Variants in NLRP6 observed in about 807,000 individuals in gnomAD.
NLRP6 encodes NACHT, LRR and PYD domains-containing protein 6.
A neutral mutation model predicts 70.9 loss-of-function variants in NLRP6; 55 were observed. That is an observed-to-expected ratio of 0.78 (90% CI 0.62 to 0.97). The LOEUF (loss-of-function observed/expected upper bound fraction) is 0.97. Among genes scored for constraint, NLRP6 ranks in the 50% least tolerant of loss-of-function variants. The pLI is 0.00. For missense variants in NLRP6, 1,241 were observed against 1,238.3 expected, an observed-to-expected ratio of 1.00 and a Z score of -0.03; for synonymous variants, 652 against 581.9, an observed-to-expected ratio of 1.12 and a Z score of -1.73.
chr11:284,091 C>T lies in NLRP6; in HGVS notation c.2199-139C>T, dbSNP rs146447289. On this transcript the variant is annotated intron_variant, in intron 5 of 7. Coordinates refer to ENST00000534750, the MANE Select transcript of NLRP6 (RefSeq NM_001276700.2). ...GTGACAAAGGGCAGGGCAGGCTCTGCGAGGTCCAGGGAAGGATGTGGCACC... is the reference window on the plus strand; with the variant it reads ...GTGACAAAGGGCAGGGCAGGCTCTGTGAGGTCCAGGGAAGGATGTGGCACC... The T allele has an allele frequency of 6.5e-4, 466 of 721,062 alleles. 4 individuals carry two copies. Among genetic ancestry groups the T allele is most frequent in the African/African-American group, 6.0e-3 (342 of 57,410 alleles). The allele number at this position is 721,062 out of a possible 1,614,324, so 44.7% of individuals were successfully genotyped here.
Position 280,159 on chromosome 11 carries a change from A to G in NLRP6, c.425A>G (p.Lys142Arg), listed in dbSNP as rs1590267951. 5.2e-6 allele frequency: 8 copies of G among 1,551,060 alleles called. No homozygotes were observed. Among genetic ancestry groups the G allele is most frequent in the Non-Finnish European group, 6.1e-6 (7 of 1,148,080 alleles). Residue 142 changes from lysine to arginine, a missense_variant, in exon 4 of 8, where the codon AAG becomes AGG. Coordinates refer to ENST00000534750, the MANE Select transcript of NLRP6 (RefSeq NM_001276700.2). Reference sequence around the variant, plus strand: ...AAGGAGAGGAACGCCCGCTCCGTGAAGATCACCAAGCGCTTCACCAAGCTG... The same window carrying G: ...AAGGAGAGGAACGCCCGCTCCGTGAGGATCACCAAGCGCTTCACCAAGCTG... ...RVKERNARSV[K>R]ITKRFTKLLI... is the part of the protein sequence containing the mutation.
intron 5 of NLRP6, 93 bp from the exon 6 acceptor site, chr11:284,137 C>G (rs972243235): frequency 3.4e-6 from 4 of 1,178,964 alleles, no homozygotes; most frequent in African/African-American, 3.0e-5. Flanking sequence ...TCAGCTGAAC[C>G]CTGGGCCACC....
rs776548739 is a variant in NLRP6, at chr11:278,514, CCT to C, written c.-51_-50del. On this transcript the variant is annotated 5_prime_UTR_variant, in exon 1 of 8. It removes the in-frame stop codon of an upstream open reading frame in the 5' UTR. Transcript: ENST00000534750. This position sits in a 1 kb window ranked among gnomAD's most constrained non-coding sequence, Gnocchi z 4.7. ...TCCAGCTCAGCCTGTGAAGGAATCA[CCT>C]CTCTGATCCCCACCTCTGCCCCGGA... 7.0e-7 allele frequency: 1 copy of C among 1,430,664 alleles called. No homozygotes were observed. Among genetic ancestry groups the C allele is most frequent in the Non-Finnish European group, 9.3e-7 (1 of 1,073,156 alleles). 88.6% of individuals were successfully genotyped at this position (1,430,664 alleles called of 1,614,324 possible). A position where few individuals can be genotyped will look rare whatever the true frequency, so the allele number is the denominator to read the frequency against.
At chr11:282,448 A>G (rs575464804) in intron 4 of NLRP6, among the ~76,000 whole-genome samples, 8 of 152,184 alleles carry the variant, frequency 5.3e-5, no homozygotes, top group South Asian at 4.1e-4. Context: ...GGGCCTGGGG[A>G]CCCAAAGACC....
chr11:281,803 T>C lies in NLRP6; in HGVS notation c.2069T>C (p.Leu690Pro), dbSNP rs1590270401. Residue 690 changes from leucine (L) to proline (P), a missense_variant, in exon 4 of 8, where the codon CTG (leucine) becomes CCG (proline). Physicochemically the swap from Leu to Pro is moderately conservative, Grantham distance 98 (BLOSUM62 -3). Coordinates refer to ENST00000534750, the MANE Select transcript of NLRP6 (RefSeq NM_001276700.2). ...GCGCAGGAGAAGAAGAAGAAGAGCC[T>C]GGGGAAGCGGCTCCAGGCCAGCCTG... is the stretch of plus-strand genomic sequence containing the variant. ...VAAQEKKKKS[L>P]GKRLQASLGG... The C allele has an allele frequency of 1.3e-6, 2 of 1,593,874 alleles. No individual in the cohort carries two copies. The highest frequency in any genetic ancestry group is 1.7e-5 in the Admixed American group (1 of 59,292).
In NLRP6 at chr11:285,154, G is replaced by T; in HGVS notation, c.2538-12G>T. On this transcript the variant is annotated splice_polypyrimidine_tract_variant and intron_variant, in intron 7 of 7. Transcript: ENST00000534750. ...ACCGCTGACCCCGCTTCTGCTCTGC[G>T]TGTGGCTGCAGTCTGGCCTCTGTGG... 1 of 1,576,108 alleles carries T rather than the reference G, an allele frequency of 6.3e-7. No individual in the cohort carries two copies. Among genetic ancestry groups the T allele is most frequent in the East Asian group, 2.3e-5 (1 of 42,978 alleles).
Position 278,516 on chromosome 11 carries a change from T to C in NLRP6, c.-54T>C. The C allele has an allele frequency of 1.4e-6, 2 of 1,444,428 alleles. No individual in the cohort carries two copies. The highest frequency in any genetic ancestry group is 9.2e-7 in the Non-Finnish European group (1 of 1,085,078). 89.5% of individuals were successfully genotyped at this position (1,444,428 alleles called of 1,614,324 possible). Reference sequence around the variant, plus strand: ...CAGCTCAGCCTGTGAAGGAATCACCTCTCTGATCCCCACCTCTGCCCCGGA... The same window carrying C: ...CAGCTCAGCCTGTGAAGGAATCACCCCTCTGATCCCCACCTCTGCCCCGGA... On this transcript the variant is annotated 5_prime_UTR_variant, in exon 1 of 8. Transcript: ENST00000534750. The surrounding 1 kb of genome is among the most constrained non-coding windows in gnomAD (Gnocchi z 4.7).
rs1402064374 is a variant in NLRP6, at chr11:281,215, C to G, written c.1481C>G (p.Thr494Ser). The change falls in exon 4 of 8, where the codon ACC becomes AGC. Residue 494 changes from threonine to serine, a missense_variant. By Grantham distance (58) the Thr-to-Ser change is moderately conservative. Coordinates refer to ENST00000534750, the MANE Select transcript of NLRP6 (RefSeq NM_001276700.2). The stretch of plus-strand genomic sequence containing the variant: ...CCGGGCGTGCTGGAGACAGAGGTCA[C>G]CTACCAGTTCATCGACCAGAGCTTC... ...ELPGVLETEV[T>S]YQFIDQSFQE... 1 of 1,613,234 alleles carries G rather than the reference C, an allele frequency of 6.2e-7. No individual in the cohort carries two copies. The highest frequency in any genetic ancestry group is 1.1e-5 in the South Asian group (1 of 91,088).
At chr11:284,858 A>C (rs1200763320) in intron 7 of NLRP6, among the ~76,000 whole-genome samples, 1 of 152,102 alleles carries the variant, frequency 6.6e-6, no homozygotes, top group African/African-American at 2.4e-5. Flanking sequence ...TGTCTGACCA[A>C]ATGTTCATCT....
rs1224696738 is a variant in NLRP6, at chr11:284,497, C to CGA, written c.2394_2395dup (p.Gly799GlufsTer16). 1 of 1,612,796 alleles carries CGA rather than the reference C, an allele frequency of 6.2e-7. No homozygotes were observed. Among genetic ancestry groups the CGA allele is most frequent in the Non-Finnish European group, 8.5e-7 (1 of 1,179,824 alleles). On this transcript the variant is annotated frameshift_variant, in exon 7 of 8. Transcript: ENST00000534750. LOFTEE classifies it high-confidence loss of function. ...CAGGGTACAGCTGCCTGACCCCCAG[C>CGA]GAGGGCTCCAGTACCTGGTGGGTAT...
Position 280,851 on chromosome 11 carries a change from C to A in NLRP6, c.1117C>A (p.Arg373Ser), listed in dbSNP as rs909025534. 2 of 1,613,384 alleles carry A rather than the reference C, an allele frequency of 1.2e-6. No individual in the cohort carries two copies. Among genetic ancestry groups the A allele is most frequent in the Non-Finnish European group, 8.5e-7 (1 of 1,179,980 alleles). The change falls in exon 4 of 8, where the codon CGC (arginine) becomes AGC (serine). Residue 373 changes from arginine to serine, a missense_variant. Arg to Ser is a moderately radical substitution (Grantham distance 110, BLOSUM62 -1). Coordinates refer to ENST00000534750, the MANE Select transcript of NLRP6 (RefSeq NM_001276700.2). ...RDERRAERAY[R>S]FVKENETLFA... is the part of the protein sequence containing the mutation. ...TGAGAGGAGGGCCGAGCGCGCCTAC[C>A]GCTTCGTGAAGGAGAACGAGACGCT...
Position 281,090 on chromosome 11 carries a change from C to T in NLRP6, c.1356C>T (p.Gly452=), listed in dbSNP as rs766661548. The change falls in exon 4 of 8, where the codon GGC becomes GGT. Residue 452 remains glycine (G), a synonymous_variant. Coordinates refer to ENST00000534750, the MANE Select transcript of NLRP6 (RefSeq NM_001276700.2). ...ATCTGTGCCGCCTGGCCCGCGAGGG[C>T]GTCCTCGGACGCAGGGCGCAGTTTG... ...LRNLCRLARE[G]VLGRRAQFAE... is the part of the protein sequence containing the mutation. The T allele has an allele frequency of 1.9e-6, 3 of 1,612,480 alleles. No individual in the cohort carries two copies. Among genetic ancestry groups the T allele is most frequent in the Admixed American group, 3.3e-5 (2 of 59,976 alleles).
rs377394769 is a variant in NLRP6, at chr11:285,203, G to A, written c.2575G>A (p.Glu859Lys). The change falls in exon 8 of 8, where the codon GAG (glutamate) becomes AAG (lysine). Residue 859 changes from glutamate (E) to lysine (K), a missense_variant. Glu to Lys is a moderately conservative substitution (Grantham distance 56). Transcript: ENST00000534750. ...GGAGCTGAGCGAGCAGTCACTACAG[G>A]AGCTTCAGGCTGTGAAGAGAGCAAA... is the stretch of plus-strand genomic sequence containing the variant. ...SVELSEQSLQELQAVKRAKPD... is the reference protein window; with the variant it reads ...SVELSEQSLQKLQAVKRAKPD... 7.2e-5 allele frequency: 115 copies of A among 1,597,362 alleles called. No individual in the cohort carries two copies. Among genetic ancestry groups the A allele is most frequent in the Non-Finnish European group, 9.0e-5 (105 of 1,171,508 alleles).
chr11:279,447 C>A lies in NLRP6; in HGVS notation c.150C>A (p.Ser50Arg). ...GCGACGTGGGCCCGGACGGACGCAGCATCCCGTGGGGGCGGCTGGAGCGCG... is the reference window on the plus strand; with the variant it reads ...GCGACGTGGGCCCGGACGGACGCAGAATCCCGTGGGGGCGGCTGGAGCGCG... ...KLRDVGPDGR[S>R]IPWGRLERAD... The change falls in exon 2 of 8, where the codon AGC becomes AGA. Residue 50 changes from serine (S) to arginine (R), a missense_variant. By Grantham distance (110) the Ser-to-Arg change is moderately radical. Coordinates refer to ENST00000534750, the MANE Select transcript of NLRP6 (RefSeq NM_001276700.2). 7.2e-7 allele frequency: 1 copy of A among 1,397,084 alleles called. No individual in the cohort carries two copies. The highest frequency in any genetic ancestry group is 9.3e-7 in the Non-Finnish European group (1 of 1,078,300). 86.5% of individuals were successfully genotyped at this position (1,397,084 alleles called of 1,614,324 possible). A position where few individuals can be genotyped will look rare whatever the true frequency, so the allele number is the denominator to read the frequency against.
Position 278,408 on chromosome 11 carries a change from C to G in NLRP6, c.-162C>G. 1.8e-6 allele frequency: 1 copy of G among 555,020 alleles called. No homozygotes were observed. Among genetic ancestry groups the G allele is most frequent in the Non-Finnish European group, 3.3e-6 (1 of 307,612 alleles). The allele number at this position is 555,020 out of a possible 1,614,324, so 34.4% of individuals were successfully genotyped here. ...GCAATGCTCTGCGTGTGCCACGGTG[C>G]CCAACAGCATCTCGTGCCAGCTGAG... On this transcript the variant is annotated 5_prime_UTR_variant, in exon 1 of 8. Coordinates refer to ENST00000534750, the MANE Select transcript of NLRP6 (RefSeq NM_001276700.2). The surrounding 1 kb of genome is among the most constrained non-coding windows in gnomAD (Gnocchi z 4.7).
intron 6 of NLRP6, 26 bp downstream of exon 6, chr11:284,426 T>C (rs372740194): frequency 2.8e-5 from 45 of 1,601,174 alleles, no homozygotes; most frequent in Non-Finnish European, 3.5e-5. Flanking sequence ...GGAGGGACCG[T>C]GGGATGCCCC....
rs747723458 is a variant in NLRP6 at position 280,272 on chromosome 11, C to T, written c.538C>T (p.His180Tyr). 5 of 1,520,522 alleles carry T rather than the reference C, an allele frequency of 3.3e-6. No homozygotes were observed. The African/African-American group carries it at 7.1e-5, about 22-fold the overall frequency. The allele number at this position is 1,520,522 out of a possible 1,614,324, so 94.2% of individuals were successfully genotyped here. ...EPGRARRSDT[H>Y]TFNRLFRRDE... ...GGGGCGCGCGCGGCGCTCGGACACG[C>T]ACACTTTCAACCGCCTCTTCCGCCG... Residue 180 changes from histidine to tyrosine, a missense_variant, in exon 4 of 8, where the codon CAC becomes TAC. Transcript: ENST00000534750.
Position 279,620 on chromosome 11 carries a change from C to T in NLRP6, c.310+13C>T. 1 of 1,392,770 alleles carries T rather than the reference C, an allele frequency of 7.2e-7. No homozygotes were observed. The highest frequency in any genetic ancestry group is 9.3e-7 in the Non-Finnish European group (1 of 1,078,174). The allele number at this position is 1,392,770 out of a possible 1,614,324, so 86.3% of individuals were successfully genotyped here. A position where few individuals can be genotyped will look rare whatever the true frequency, so the allele number is the denominator to read the frequency against. ...CGGCGGCTGCAGCGTGAGTTCTGCGCGGGAGGTCCCTCCTGTCTGGGCAGA... is the reference window on the plus strand; with the variant it reads ...CGGCGGCTGCAGCGTGAGTTCTGCGTGGGAGGTCCCTCCTGTCTGGGCAGA... On this transcript the variant is annotated intron_variant, in intron 2 of 7. Coordinates refer to ENST00000534750, the MANE Select transcript of NLRP6 (RefSeq NM_001276700.2).
In NLRP6 at chr11:284,520, T is replaced by C. The variant is rs1845529380; in HGVS notation, c.2415T>C (p.Gly805=). 2.5e-6 allele frequency: 4 copies of C among 1,612,954 alleles called. No individual in the cohort carries two copies. Among genetic ancestry groups the C allele is most frequent in the East Asian group, 2.2e-5 (1 of 44,870 alleles). The change falls in exon 7 of 8, where the codon GGT becomes GGC. Residue 805 remains glycine (G), a synonymous_variant. Transcript: ENST00000534750. The part of the protein sequence containing the change: ...DPQRGLQYLV[G]MLRQSPALTT... ...AGCGAGGGCTCCAGTACCTGGTGGG[T>C]ATGCTTCGGCAGAGCCCTGCCCTGA...
Sources: gnomAD v4.1 joint callset for allele counts (sites outside exome capture counted in the v4.1 genomes callset) on GRCh38, gnomAD v4.1.1 for gene constraint, Gnocchi (gnomAD v3.1) non-coding constraint, MANE v1.5 for transcripts, NCBI Gene and HGNC (gene_info 2026-07-23, HGNC 2026-07-21) for gene names.